TIAM2: variants seen among roughly 807,000 people sequenced by gnomAD.
TIAM2 encodes TIAM Rac1 associated GEF 2, also known as rho guanine nucleotide exchange factor TIAM2.
Under a neutral mutation model 152.9 loss-of-function variants are expected in TIAM2, and 80 were observed. That is an observed-to-expected ratio of 0.52 (90% CI 0.44 to 0.63). TIAM2 has a LOEUF of 0.63. TIAM2 is among the 30% of genes least tolerant of loss of function. The pLI is 0.00. For synonymous variants in TIAM2, 804 were observed against 838.0 expected, an observed-to-expected ratio of 0.96 and a Z score of 0.70; for missense variants, 1,965 against 2,120.1, an observed-to-expected ratio of 0.93 and a Z score of 1.44.
intron 15 of TIAM2, among the ~76,000 whole-genome samples, chr6:155,239,106 A>G (rs1782906477): frequency 6.6e-6 from 1 of 152,212 alleles, no homozygotes; most frequent in African/African-American, 2.4e-5. Context: ...GCTTTCTGCA[A>G]TATCCAAGGA....
chr6:155,057,541 C>CTTTTTTTTTTTTTT (rs71023613), intron 1 of TIAM2, among the ~76,000 whole-genome samples: 3 of 80,072 alleles, frequency 3.7e-5, no homozygotes, highest in African/African-American at 1.1e-4. Flanking sequence ...CCATAATGTA[C>CTTTTTTTTTTTTTT]TTTTTTTTTT....
chr6:154,997,684 AG>A (rs1778242027), intron 1 of TIAM2, among the ~76,000 whole-genome samples: 1 of 116,786 alleles, frequency 8.6e-6, no homozygotes, highest in Non-Finnish European at 1.6e-5. Flanking sequence ...TTTGTTGACC[AG>A]GCTGGAGTGC....
rs1778705665 is a variant in TIAM2 at position 155,106,921 on chromosome 6, G to GA, written c.-118+16548dup. Among the ~76,000 whole-genome samples, 5 of 152,308 alleles carry GA rather than the reference G, an allele frequency of 3.3e-5. No homozygotes were observed. In the South Asian group the frequency reaches 1.0e-3, roughly 32 times the overall value. On this transcript the variant is annotated intron_variant, in intron 2 of 26. Coordinates refer to ENST00000682666, the MANE Select transcript of TIAM2 (RefSeq NM_012454.4). ...TCTGCATCATACTGTTCCACCAATG[G>GA]AAAAAATTGAACATGATGAGGGTGT...
At chr6:155,242,826 C>T (rs1353030944) in intron 16 of TIAM2, among the ~76,000 whole-genome samples, 1 of 152,134 alleles carries the variant, frequency 6.6e-6, no homozygotes, top group Non-Finnish European at 1.5e-5. Context: ...ACCTCCACCT[C>T]CTGAGTTCAA....
intron 1 of TIAM2, among the ~76,000 whole-genome samples, chr6:155,054,422 C>T (rs770392247): frequency 6.9e-4 from 105 of 151,782 alleles, no homozygotes; most frequent in Admixed American, 2.9e-3. Context: ...TAATAGTCAG[C>T]GACAATCTCA....
intron 1 of TIAM2, among the ~76,000 whole-genome samples, chr6:155,006,094 G>A (rs1778397309): frequency 6.6e-6 from 1 of 152,218 alleles, no homozygotes; most frequent in Admixed American, 6.5e-5. Flanking sequence ...AGGGCAGGGA[G>A]GCTCCCACGT....
intron 2 of TIAM2, among the ~76,000 whole-genome samples, chr6:155,101,089 C>T (rs757140850): frequency 2.6e-5 from 4 of 152,162 alleles, no homozygotes; most frequent in Non-Finnish European, 5.9e-5. Context: ...CAGTCCTACC[C>T]GCCCTCACTG....
chr6:155,072,296 G>A (rs1433024701), intron 1 of TIAM2, among the ~76,000 whole-genome samples: 1 of 152,188 alleles, frequency 6.6e-6, no homozygotes, highest in East Asian at 1.9e-4. Context: ...AGAAAGGACT[G>A]GAAATCCTCC....
intron 1 of TIAM2, among the ~76,000 whole-genome samples, chr6:155,063,045 C>G (rs1777621255): frequency 6.6e-6 from 1 of 152,014 alleles, no homozygotes; most frequent in South Asian, 2.1e-4. Flanking sequence ...AACAACTATT[C>G]TTTACATATG....
intron 14 of TIAM2, among the ~76,000 whole-genome samples, chr6:155,183,733 TA>T (rs1276163687): frequency 6.6e-6 from 1 of 151,716 alleles, no homozygotes; most frequent in Non-Finnish European, 1.5e-5. Context: ...AAATAACATT[TA>T]AAAAAAAATC....
intron 16 of TIAM2, 133 bp from the exon 17 acceptor site, chr6:155,243,872 AAAAAAG>A (rs368087350): frequency 1.6e-4 from 93 of 570,756 alleles, no homozygotes; most frequent in South Asian, 5.1e-4. Flanking sequence ...AAAAAAAAAA[AAAAAAG>A]AATTTCAACA....
chr6:155,148,473 G>A (rs575057236), intron 7 of TIAM2, 139 bp downstream of exon 7: 3 of 895,786 alleles, frequency 3.3e-6, no homozygotes, highest in East Asian at 2.7e-5. Flanking sequence ...AATAATTTCT[G>A]TGGTTTTTCA....
At chr6:155,161,876 C>A (rs1394053085) in intron 7 of TIAM2, among the ~76,000 whole-genome samples, 3 of 152,134 alleles carry the variant, frequency 2.0e-5, no homozygotes, top group Non-Finnish European at 4.4e-5. Context: ...TCACTCCCGG[C>A]CTTTTTTGTC....
intron 21 of TIAM2, 161 bp from the exon 22 acceptor site, chr6:155,250,752 C>A: frequency 8.8e-7 from 1 of 1,132,684 alleles, no homozygotes; most frequent in Non-Finnish European, 1.3e-6. Context: ...CTCATATTTT[C>A]AAAAGCTCCA....
At chr6:155,149,464 G>A (rs1482987204) in intron 7 of TIAM2, among the ~76,000 whole-genome samples, 1 of 151,990 alleles carries the variant, frequency 6.6e-6, no homozygotes, top group African/African-American at 2.4e-5. Flanking sequence ...AGTTTCTTTA[G>A]GAAAAAAAAT....
At chr6:155,008,378 G>A (rs910608715) in intron 1 of TIAM2, among the ~76,000 whole-genome samples, 2 of 152,128 alleles carry the variant, frequency 1.3e-5, no homozygotes, top group East Asian at 1.9e-4. Flanking sequence ...TGCACATGAC[G>A]AACATATACC....
chr6:155,157,748 C>T lies in TIAM2; in HGVS notation c.2029-6667C>T, dbSNP rs73575658. 2.9e-3 allele frequency among the ~76,000 whole-genome samples: 449 copies of T among 152,292 alleles called. 4 individuals are homozygous for T. The highest frequency in any genetic ancestry group is 0.01 in the African/African-American group (422 of 41,558). ...CAAATCTTTGCTCCTAATTCATAGG[C>T]GCTACTGCTCCGTAAGACTTGGGTA... is the stretch of plus-strand genomic sequence containing the variant. On this transcript the variant is annotated intron_variant, in intron 7 of 26. Coordinates refer to ENST00000682666, the MANE Select transcript of TIAM2 (RefSeq NM_012454.4).
intron 6 of TIAM2, 23 bp from the exon 7 acceptor site, chr6:155,148,087 G>GC (rs761500939): frequency 6.2e-7 from 1 of 1,612,006 alleles, no homozygotes; most frequent in South Asian, 1.1e-5. Context: ...TTCGAAACAG[G>GC]CTTTCTCCCT....
intron 15 of TIAM2, among the ~76,000 whole-genome samples, chr6:155,231,662 C>T (rs1299774522): frequency 1.3e-5 from 2 of 152,220 alleles, no homozygotes; most frequent in African/African-American, 4.8e-5. Context: ...AGAGTTCAGC[C>T]CTGAAATCCT....
Sources: gnomAD v4.1 joint callset for allele counts (sites outside exome capture counted in the v4.1 genomes callset) on GRCh38, gnomAD v4.1.1 for gene constraint, MANE v1.5 for transcripts, NCBI Gene and HGNC (gene_info 2026-07-23, HGNC 2026-07-21) for gene names.